Variants in ANO1 observed in about 807,000 individuals in gnomAD.
The protein encoded by ANO1 is anoctamin-1.
ANO1 carries 59 observed loss-of-function variants against 124.0 expected under a neutral mutation model. The ratio of observed to expected loss-of-function variants is 0.48; its 90% CI spans 0.39 to 0.59. ANO1 has a LOEUF of 0.59. ANO1 is among the 20% of genes least tolerant of loss of function. ANO1 has a pLI of 0.00. For synonymous variants in ANO1, 529 were observed against 532.0 expected (o/e 0.99, Z 0.08); for missense variants, 1,059 against 1,328.0 (o/e 0.80, Z 3.15).
chr11:70,006,000 A>G (rs1554999975), intron 1 of ANO1, among the ~76,000 whole-genome samples: 1 of 152,304 alleles, frequency 6.6e-6, no homozygotes. Context: ...CAACACATAC[A>G]AGCTTTGCAA....
chr11:69,976,019 G>C, the ANO1 span, among the ~76,000 whole-genome samples: 1 of 152,186 alleles, frequency 6.6e-6, no homozygotes, highest in Non-Finnish European at 1.5e-5. Flanking sequence ...GTGCCCGCCT[G>C]TCCCCACCAT....
chr11:70,115,336 G>A (rs2045934389), intron 7 of ANO1, among the ~76,000 whole-genome samples: 1 of 152,186 alleles, frequency 6.6e-6, no homozygotes, highest in African/African-American at 2.4e-5. Flanking sequence ...GGCCAGGCCA[G>A]GCGCAGTGGC....
intron 2 of ANO1, among the ~76,000 whole-genome samples, chr11:70,088,563 T>C (rs1001323440): frequency 2.0e-5 from 3 of 150,684 alleles, no homozygotes; most frequent in Non-Finnish European, 4.4e-5. Context: ...AAAAACACTG[T>C]TCTTGTTAAG....
intron 8 of ANO1, among the ~76,000 whole-genome samples, chr11:70,120,282 G>A (rs2046206034): frequency 6.6e-6 from 1 of 152,136 alleles, no homozygotes; most frequent in Non-Finnish European, 1.5e-5. Flanking sequence ...ACATGTAGGA[G>A]TACTTGGGAG....
chr11:70,010,263 AGAATT>A (rs1465516783), intron 1 of ANO1, among the ~76,000 whole-genome samples: 2 of 149,686 alleles, frequency 1.3e-5, no homozygotes, highest in Non-Finnish European at 3.0e-5. Flanking sequence ...TTTGCAATTG[AGAATT>A]GTGCTCAATT....
intron 2 of ANO1, among the ~76,000 whole-genome samples, chr11:70,089,889 T>C (rs2044551340): frequency 6.6e-6 from 1 of 152,218 alleles, no homozygotes; most frequent in Non-Finnish European, 1.5e-5. Context: ...AGGAATCGGC[T>C]CCATCAGGGA....
intron 19 of ANO1, 137 bp downstream of exon 19, chr11:70,163,477 C>A: frequency 9.4e-7 from 1 of 1,065,880 alleles, no homozygotes; most frequent in Non-Finnish European, 1.4e-6. Flanking sequence ...TTGCTGGAAA[C>A]TTTTCTGTTC....
intron 11 of ANO1, among the ~76,000 whole-genome samples, chr11:70,132,438 C>T (rs1429810750): frequency 6.6e-6 from 1 of 152,210 alleles, no homozygotes; most frequent in Non-Finnish European, 1.5e-5. Flanking sequence ...TGGCGACCAC[C>T]ACAGCCTGAA....
chr11:70,183,136 A>C (rs57384938), intron 24 of ANO1, among the ~76,000 whole-genome samples: 30 of 152,250 alleles, frequency 2.0e-4, no homozygotes, highest in African/African-American at 6.0e-4. Context: ...GCCTAAGGGG[A>C]GGAAATTAGA....
chr11:69,978,689 T>C, the ANO1 span, among the ~76,000 whole-genome samples: 32 of 152,212 alleles, frequency 2.1e-4, no homozygotes, highest in Non-Finnish European at 2.9e-5. Flanking sequence ...TAAACTAATC[T>C]CCATGTGAGG....
At chr11:70,113,078 G>A (rs2045852111) in intron 7 of ANO1, among the ~76,000 whole-genome samples, 2 of 152,114 alleles carry the variant, frequency 1.3e-5, no homozygotes, top group African/African-American at 4.8e-5. Flanking sequence ...TCCTCCCTTC[G>A]TGCATTCACA....
At chr11:69,982,830 C>T (rs1855970734), upstream of ANO1, among the ~76,000 whole-genome samples, 1 of 152,186 alleles carries the variant, frequency 6.6e-6, no homozygotes. Flanking sequence ...CTACCCATGG[C>T]AGGCATTCAA....
chr11:70,165,556 C>T lies in ANO1; in HGVS notation c.2037C>T (p.Phe679=), dbSNP rs1242442575. 2.5e-6 allele frequency: 4 copies of T among 1,610,876 alleles called. No homozygotes were observed. Among genetic ancestry groups the T allele is most frequent in the Non-Finnish European group, 3.4e-6 (4 of 1,178,652 alleles). ...LGKQLIQNNL[F]EIGIPKMKKL... ...AACAGCTGATCCAGAACAACCTGTTCGAGATCGGCATCCCGTGAGTGTGCT... is the reference window on the plus strand; with the variant it reads ...AACAGCTGATCCAGAACAACCTGTTTGAGATCGGCATCCCGTGAGTGTGCT... The change falls in exon 20 of 26, where the codon TTC becomes TTT. Residue 679 remains phenylalanine, a synonymous_variant. Transcript: ENST00000355303.
intron 11 of ANO1, among the ~76,000 whole-genome samples, chr11:70,149,207 C>T (rs1305662646): frequency 1.3e-5 from 2 of 152,162 alleles, no homozygotes; most frequent in African/African-American, 4.8e-5. Flanking sequence ...TCGGTCGGGA[C>T]TTGAGTGTCC....
At chr11:70,041,069 G>T (rs1371293144) in intron 1 of ANO1, among the ~76,000 whole-genome samples, 1 of 152,160 alleles carries the variant, frequency 6.6e-6, no homozygotes, top group Non-Finnish European at 1.5e-5. Context: ...CTCCAGCCCT[G>T]AGACTCCATG....
chr11:69,970,767 C>T, the ANO1 span, among the ~76,000 whole-genome samples: 915 of 152,324 alleles, frequency 6.0e-3, 6 homozygotes, highest in African/African-American at 0.02. Context: ...GTGGGCATTC[C>T]AGGATCCCAA....
intron 4 of ANO1, among the ~76,000 whole-genome samples, chr11:70,105,478 G>A (rs1356468905): frequency 6.6e-6 from 1 of 152,194 alleles, no homozygotes; most frequent in Non-Finnish European, 1.5e-5. Flanking sequence ...GGGGGCTGGA[G>A]GGTGGTCTGA....
At chr11:70,083,531 C>T (rs1035392008) in intron 1 of ANO1, among the ~76,000 whole-genome samples, 2 of 152,186 alleles carry the variant, frequency 1.3e-5, no homozygotes, top group Non-Finnish European at 2.9e-5. Flanking sequence ...TTGATAGGCC[C>T]CCAGTGGACA....
intron 1 of ANO1, among the ~76,000 whole-genome samples, chr11:70,034,769 CA>C (rs1261196143): frequency 6.6e-6 from 1 of 152,126 alleles, no homozygotes; most frequent in African/African-American, 2.4e-5. Context: ...AGGTTCTGCA[CA>C]AGTGATAGTT....
Sources: gnomAD v4.1 joint callset for allele counts (sites outside exome capture counted in the v4.1 genomes callset) on GRCh38, gnomAD v4.1.1 for gene constraint, MANE v1.5 for transcripts, NCBI Gene and HGNC (gene_info 2026-07-23, HGNC 2026-07-21) for gene names.